The following CRTAP variants were observed in gnomAD, a reference collection of about 807,000 sequenced individuals.
The protein encoded by CRTAP is cartilage associated protein, also known as cartilage-associated protein.
In CRTAP, 33 loss-of-function variants were observed where a neutral mutation model predicts 42.7. The ratio of observed to expected loss-of-function variants is 0.77; its 90% confidence interval spans 0.59 to 1.03. CRTAP has a LOEUF of 1.03. CRTAP is among the 50% of genes least tolerant of loss of function. The pLI is 0.00. For missense variants in CRTAP, 613 were observed against 533.9 expected, an observed-to-expected ratio of 1.15 and a Z score of -1.46; for synonymous variants, 243 against 217.7, an observed-to-expected ratio of 1.12 and a Z score of -1.02.
At chr3:33,131,747 T>A (rs1356152438) in intron 4 of CRTAP, among the ~76,000 whole-genome samples, 3 of 152,096 alleles carry the variant, frequency 2.0e-5, no homozygotes, top group African/African-American at 7.2e-5. Flanking sequence ...AGAGTAAATG[T>A]CCCTAAGAGC....
chr3:33,125,836 G>C (rs2030050727), intron 3 of CRTAP, among the ~76,000 whole-genome samples: 1 of 152,038 alleles, frequency 6.6e-6, no homozygotes, highest in Admixed American at 6.5e-5. Context: ...TACCTAAACA[G>C]TGTCCCAATC....
Position 33,114,035 on chromosome 3 carries a change from T to TTCCCTTCCTTCG in CRTAP, c.-31_-20dup. 2 of 1,384,400 alleles carry TTCCCTTCCTTCG rather than the reference T, an allele frequency of 1.4e-6. No homozygotes were observed. Among genetic ancestry groups the TTCCCTTCCTTCG allele is most frequent in the Non-Finnish European group, 1.9e-6 (2 of 1,053,220 alleles). 85.8% of individuals were successfully genotyped at this position (1,384,400 alleles called of 1,614,324 possible). A position where few individuals can be genotyped will look rare whatever the true frequency, so the allele number is the denominator to read the frequency against. ...CTTTCCTTTCCTTCTCCCTCCCCTT[T>TTCCCTTCCTTCG]TCCCTTCCTTCGTCCCTTCCTTCCT... On this transcript the variant is annotated 5_prime_UTR_variant, in exon 1 of 7. Coordinates refer to ENST00000320954, the MANE Select transcript of CRTAP (RefSeq NM_006371.5).
In CRTAP at chr3:33,142,533, C is replaced by A; in HGVS notation, c.*85C>A. 7.8e-7 allele frequency: 1 copy of A among 1,276,430 alleles called. No homozygotes were observed. The highest frequency in any genetic ancestry group is 1.1e-6 in the Non-Finnish European group (1 of 875,450). The allele number at this position is 1,276,430 out of a possible 1,614,324, so 79.1% of individuals were successfully genotyped here. A position where few individuals can be genotyped will look rare whatever the true frequency, so the allele number is the denominator to read the frequency against. ...TTCCCAACAGCCCAGGCTGTTGATA[C>A]CTCAGAGCCTTCTCTTTACTCTCCA... On this transcript the variant is annotated 3_prime_UTR_variant, in exon 7 of 7. Transcript: ENST00000320954.
At chr3:33,133,154 A>G (rs749455855) in intron 5 of CRTAP, among the ~76,000 whole-genome samples, 5 of 152,208 alleles carry the variant, frequency 3.3e-5, no homozygotes, top group Non-Finnish European at 7.3e-5. Flanking sequence ...CAAATTTCAA[A>G]CATTACAGAA....
At chr3:33,127,439 T>TA (rs1241148049) in intron 3 of CRTAP, among the ~76,000 whole-genome samples, 1 of 151,600 alleles carries the variant, frequency 6.6e-6, no homozygotes, top group Non-Finnish European at 1.5e-5. Flanking sequence ...ATTGTTATTA[T>TA]TTTATTTATT....
chr3:33,142,540 GCC>G lies in CRTAP; in HGVS notation c.*93_*94del. 2.4e-6 allele frequency: 3 copies of G among 1,242,176 alleles called. No homozygotes were observed. The highest frequency in any genetic ancestry group is 3.5e-6 in the Non-Finnish European group (3 of 846,050). The allele number at this position is 1,242,176 out of a possible 1,614,324, so 76.9% of individuals were successfully genotyped here. A position where few individuals can be genotyped will look rare whatever the true frequency, so the allele number is the denominator to read the frequency against. On this transcript the variant is annotated 3_prime_UTR_variant, in exon 7 of 7. Transcript: ENST00000320954. ...CAGCCCAGGCTGTTGATACCTCAGA[GCC>G]TTCTCTTTACTCTCCAAAGTGAAAG... is the stretch of plus-strand genomic sequence containing the variant.
In CRTAP at chr3:33,146,649, C is replaced by A. The variant is rs1336306766; in HGVS notation, c.*4201C>A. On this transcript the variant is annotated 3_prime_UTR_variant, in exon 7 of 7. Coordinates refer to ENST00000320954, the MANE Select transcript of CRTAP (RefSeq NM_006371.5). ...AAAGAGAGCCACTGCGAGCACTGAC[C>A]ACAAGGGCTGCCTTAGGAAGGAAAT... 1 of 152,182 alleles carries A rather than the reference C, an allele frequency of 6.6e-6. No homozygotes were observed. Among genetic ancestry groups the A allele is most frequent in the Non-Finnish European group, 1.5e-5 (1 of 68,040 alleles). 9.4% of individuals were successfully genotyped at this position (152,182 alleles called of 1,614,324 possible).
At position 33,146,106 on chromosome 3, in the gene CRTAP, C is replaced by G. The variant is rs937358323; in HGVS notation, c.*3658C>G. 4 of 152,104 alleles carry G rather than the reference C, an allele frequency of 2.6e-5. No individual in the cohort carries two copies. Among genetic ancestry groups the G allele is most frequent in the African/African-American group, 9.7e-5 (4 of 41,406 alleles). 9.4% of individuals were successfully genotyped at this position (152,104 alleles called of 1,614,324 possible). A position where few individuals can be genotyped will look rare whatever the true frequency, so the allele number is the denominator to read the frequency against. On this transcript the variant is annotated 3_prime_UTR_variant, in exon 7 of 7. Coordinates refer to ENST00000320954, the MANE Select transcript of CRTAP (RefSeq NM_006371.5). Reference sequence around the variant, plus strand: ...TGGTGTGCAGGCTGCACTCAATGACCTCAACCCAACACCTCCCTGAGTGTG... The same window carrying G: ...TGGTGTGCAGGCTGCACTCAATGACGTCAACCCAACACCTCCCTGAGTGTG...
At position 33,145,223 on chromosome 3, in the gene CRTAP, C is replaced by G. The variant is rs2125608804; in HGVS notation, c.*2775C>G. On this transcript the variant is annotated 3_prime_UTR_variant, in exon 7 of 7. Coordinates refer to ENST00000320954, the MANE Select transcript of CRTAP (RefSeq NM_006371.5). The surrounding 1 kb of genome is among the most constrained non-coding windows in gnomAD (Gnocchi z 4.3). ...GTCCTCACTCACCTGCACAAGAATC[C>G]CTGCATCAGGTTCTCCTTTGAGGGT... The G allele has an allele frequency of 6.6e-6, 1 of 152,626 alleles. No homozygotes were observed. The highest frequency in any genetic ancestry group is 2.1e-4 in the South Asian group (1 of 4,828). The allele number at this position is 152,626 out of a possible 1,614,324, so 9.5% of individuals were successfully genotyped here.
chr3:33,130,525 C>CTTTTCTTTTTTTTT (rs2030224681), intron 4 of CRTAP, among the ~76,000 whole-genome samples: 1 of 55,226 alleles, frequency 1.8e-5, no homozygotes. Context: ...CTTTTCTTTT[C>CTTTTCTTTTTTTTT]TTTTTTTTTT....
intron 2 of CRTAP, 31 bp from the exon 3 acceptor site, chr3:33,124,377 C>T (rs759191649): frequency 1.9e-6 from 3 of 1,613,060 alleles, no homozygotes; most frequent in Admixed American, 1.7e-5. Context: ...CGCCCAAGAG[C>T]GAGCTTCACT....
intron 1 of CRTAP, among the ~76,000 whole-genome samples, chr3:33,115,868 G>A (rs1460859722): frequency 6.6e-6 from 1 of 151,532 alleles, no homozygotes; most frequent in Non-Finnish European, 1.5e-5. Flanking sequence ...ATACTTCTAT[G>A]CTTAGTTACA....
intron 1 of CRTAP, among the ~76,000 whole-genome samples, chr3:33,119,517 C>T (rs535643245): frequency 2.8e-5 from 4 of 141,684 alleles, no homozygotes; most frequent in Non-Finnish European, 4.5e-5. Flanking sequence ...TCCTGTTTTG[C>T]TTATTGTTAT....
intron 4 of CRTAP, among the ~76,000 whole-genome samples, chr3:33,131,328 G>C (rs1431921019): frequency 1.3e-5 from 2 of 151,636 alleles, no homozygotes; most frequent in Non-Finnish European, 2.9e-5. Context: ...CTTGCACCCT[G>C]AAGGTCAGAA....
intron 2 of CRTAP, among the ~76,000 whole-genome samples, chr3:33,121,373 C>T (rs1390263403): frequency 6.7e-6 from 1 of 149,668 alleles, no homozygotes; most frequent in Non-Finnish European, 1.5e-5. Context: ...GATTGCGCCA[C>T]TGCACTCCAG....
chr3:33,139,843 G>A (rs1313506250), intron 6 of CRTAP, among the ~76,000 whole-genome samples: 2 of 152,164 alleles, frequency 1.3e-5, no homozygotes, highest in Non-Finnish European at 2.9e-5. Context: ...TATTGAGATG[G>A]TCACATGATT....
intron 6 of CRTAP, among the ~76,000 whole-genome samples, chr3:33,140,414 C>G (rs142489495): frequency 6.6e-6 from 1 of 152,128 alleles, no homozygotes; most frequent in Non-Finnish European, 1.5e-5. Context: ...AAGAATGAAC[C>G]ATTTTCTTAC....
At chr3:33,139,475 ATT>A (rs554392214) in intron 6 of CRTAP, among the ~76,000 whole-genome samples, 13 of 139,084 alleles carry the variant, frequency 9.3e-5, no homozygotes, top group Non-Finnish European at 7.8e-5. Context: ...AATTCGTTGA[ATT>A]TTTTTTTTTT....
intron 3 of CRTAP, 29 bp downstream of exon 3, chr3:33,124,608 T>G: frequency 6.2e-7 from 1 of 1,612,858 alleles, no homozygotes; most frequent in East Asian, 2.2e-5. Flanking sequence ...GGCTCACTAC[T>G]CCCATGGAAT....
Sources: gnomAD v4.1 joint callset for allele counts (sites outside exome capture counted in the v4.1 genomes callset) on GRCh38, gnomAD v4.1.1 for gene constraint, Gnocchi (gnomAD v3.1) non-coding constraint, MANE v1.5 for transcripts, NCBI Gene and HGNC (gene_info 2026-07-23, HGNC 2026-07-21) for gene names.